Variants in DECR1 observed in about 807,000 individuals in gnomAD.
The protein encoded by DECR1 is 2,4-dienoyl-CoA reductase [(3E)-enoyl-CoA-producing], mitochondrial.
A neutral mutation model predicts 38.8 loss-of-function variants in DECR1; 44 were observed. The observed-to-expected ratio is 1.13, with a 90% confidence interval of 0.89 to 1.46. The LOEUF (loss-of-function observed/expected upper bound fraction) is 1.46. Among genes scored for constraint, DECR1 ranks in the 40% most tolerant of loss-of-function variants. The pLI is 0.00. For missense variants in DECR1, 428 were observed against 405.5 expected (o/e 1.06, Z -0.48); for synonymous variants, 148 against 135.2 (o/e 1.09, Z -0.66).
At chr8:90,006,414 A>G (rs903514049) in intron 1 of DECR1, 7 of 668,152 alleles carry the variant, frequency 1.0e-5, no homozygotes, top group African/African-American at 7.1e-5. Context: ...GGCCCAGCAT[A>G]AAGGTTATCA....
chr8:90,033,667 T>C (rs1805889), intron 5 of DECR1, among the ~76,000 whole-genome samples: 76,893 of 151,596 alleles, frequency 0.51, 21,779 homozygotes, highest in African/African-American at 0.77. Context: ...TGCAGTATAT[T>C]ATTCTAAGAG....
chr8:90,006,280 A>G, intron 1 of DECR1: 1 of 704,156 alleles, frequency 1.4e-6, no homozygotes, highest in Non-Finnish European at 2.6e-6. Flanking sequence ...TGGGGGAGGT[A>G]TGTCCAGTTT....
chr8:90,030,003 C>T (rs1813455716), intron 5 of DECR1, among the ~76,000 whole-genome samples: 2 of 152,048 alleles, frequency 1.3e-5, no homozygotes, highest in South Asian at 2.1e-4. Context: ...GGACCATTTT[C>T]GTGAAAGAAA....
At chr8:90,040,823 A>G (rs990209601) in intron 6 of DECR1, among the ~76,000 whole-genome samples, 16 of 152,202 alleles carry the variant, frequency 1.1e-4, no homozygotes, top group African/African-American at 3.6e-4. Context: ...TTATGGCTGC[A>G]CAGTATTCCA....
chr8:90,026,187 T>C (rs575582155), intron 5 of DECR1, among the ~76,000 whole-genome samples: 1 of 152,324 alleles, frequency 6.6e-6, no homozygotes, highest in South Asian at 2.1e-4. Flanking sequence ...AAATTATCTT[T>C]TGTTGTTGTG....
At chr8:90,029,169 A>C (rs1221162487) in intron 5 of DECR1, 1 of 152,154 alleles carries the variant, frequency 6.6e-6, no homozygotes, top group Non-Finnish European at 1.5e-5. Flanking sequence ...TTTTACTGTT[A>C]TTCAGCTTTT....
intron 1 of DECR1, chr8:90,003,271 A>T (rs1812661491): frequency 6.6e-6 from 1 of 152,320 alleles, no homozygotes; most frequent in East Asian, 1.9e-4. Context: ...CCTAATTTGA[A>T]TATTTTTGTT....
chr8:90,053,526 C>T lies in DECR1; in HGVS notation c.*1629C>T, dbSNP rs1194452599. ...ACCTCTCACCAAACACACAAAGACA[C>T]ACTCTTTCCCTCCACTGATTCCACC... is the stretch of plus-strand genomic sequence containing the variant. On this transcript the variant is annotated 3_prime_UTR_variant, in exon 10 of 10. Coordinates refer to ENST00000220764, the MANE Select transcript of DECR1 (RefSeq NM_001359.2). 6.6e-6 allele frequency among the ~76,000 whole-genome samples: 1 copy of T among 152,178 alleles called. No homozygotes were observed. Among genetic ancestry groups the T allele is most frequent in the Non-Finnish European group, 1.5e-5 (1 of 68,024 alleles).
intron 1 of DECR1, chr8:90,016,810 A>G (rs760516040): frequency 5.4e-5 from 17 of 316,096 alleles, no homozygotes; most frequent in Non-Finnish European, 9.0e-5. Flanking sequence ...AATCCTCACA[A>G]TGCCATATGA....
chr8:90,017,307 C>G lies in DECR1; in HGVS notation c.253C>G (p.Gln85Glu). The change falls in exon 2 of 10, where the codon CAG (glutamine) becomes GAG (glutamate). Residue 85 changes from glutamine to glutamate, a missense_variant. Gln to Glu is a conservative substitution (Grantham distance 29). Coordinates refer to ENST00000220764, the MANE Select transcript of DECR1 (RefSeq NM_001359.2). ...AACTCTTCTGTCCAGCCTAGGTGCT[C>G]AGTGCGTGATAGCCAGCCGGTAAGT... ...MTTLLSSLGA[Q>E]CVIASRKMDV... The G allele has an allele frequency of 6.2e-7, 1 of 1,614,128 alleles. No homozygotes were observed. Among genetic ancestry groups the G allele is most frequent in the African/African-American group, 1.3e-5 (1 of 75,044 alleles).
chr8:90,013,473 T>A (rs146301691), intron 1 of DECR1, among the ~76,000 whole-genome samples: 19 of 134,794 alleles, frequency 1.4e-4, no homozygotes, highest in Admixed American at 2.5e-4. Context: ...AGTCACATAC[T>A]CAGAGGCCTA....
At chr8:90,051,142 G>A (rs1182868393) in intron 8 of DECR1, among the ~76,000 whole-genome samples, 1 of 151,110 alleles carries the variant, frequency 6.6e-6, no homozygotes, top group African/African-American at 2.4e-5. Context: ...CCTGCACATT[G>A]TGCACATTCA....
chr8:90,028,051 C>G (rs1813398939), intron 5 of DECR1, among the ~76,000 whole-genome samples: 1 of 152,048 alleles, frequency 6.6e-6, no homozygotes, highest in Non-Finnish European at 1.5e-5. Context: ...TCTGTGCTTG[C>G]TTAGTTTAGT....
At chr8:90,037,729 A>G (rs1172112695) in intron 6 of DECR1, among the ~76,000 whole-genome samples, 3 of 152,104 alleles carry the variant, frequency 2.0e-5, no homozygotes, top group Non-Finnish European at 4.4e-5. Context: ...GATTACAGGC[A>G]TGAGCCACTA....
At chr8:90,025,516 T>C (rs978081787) in intron 5 of DECR1, among the ~76,000 whole-genome samples, 15 of 152,192 alleles carry the variant, frequency 9.9e-5, no homozygotes, top group African/African-American at 1.9e-4. Context: ...TGATTTGGCT[T>C]TCTGTTTGTC....
At position 90,001,498 on chromosome 8, in the gene DECR1, G is replaced by A. The variant is rs759478280; in HGVS notation, c.6G>A (p.Lys2=). 16 of 1,614,066 alleles carry A rather than the reference G, an allele frequency of 9.9e-6. No homozygotes were observed. The highest frequency in any genetic ancestry group is 1.4e-5 in the Non-Finnish European group (16 of 1,179,916). Residue 2 remains lysine (K), a synonymous_variant, in exon 1 of 10, where the codon AAG becomes AAA. Transcript: ENST00000220764. Reference sequence around the variant, plus strand: ...CCGAGTTCTGGAGACTCAACATGAAGCTACCGGCCAGGGTTTTCTTTACTC... The same window carrying A: ...CCGAGTTCTGGAGACTCAACATGAAACTACCGGCCAGGGTTTTCTTTACTC... The part of the protein sequence containing the change: M[K]LPARVFFTLG...
chr8:90,024,188 A>G (rs1227896998), intron 5 of DECR1, among the ~76,000 whole-genome samples: 5 of 152,114 alleles, frequency 3.3e-5, no homozygotes, highest in Non-Finnish European at 5.9e-5. Context: ...ACATGTGCAT[A>G]TGTCTTTATA....
intron 5 of DECR1, among the ~76,000 whole-genome samples, chr8:90,031,218 A>G (rs1179988258): frequency 2.0e-5 from 3 of 152,080 alleles, no homozygotes; most frequent in Non-Finnish European, 4.4e-5. Flanking sequence ...CCTTCCTCCT[A>G]GGATTGCTGT....
intron 8 of DECR1, among the ~76,000 whole-genome samples, chr8:90,049,912 T>A (rs1814026329): frequency 6.6e-6 from 1 of 151,936 alleles, no homozygotes; most frequent in African/African-American, 2.4e-5. Flanking sequence ...GCCTGACAAA[T>A]ACAAGAAATG....
Sources: gnomAD v4.1 joint callset for allele counts (sites outside exome capture counted in the v4.1 genomes callset) on GRCh38, gnomAD v4.1.1 for gene constraint, MANE v1.5 for transcripts, NCBI Gene and HGNC (gene_info 2026-07-23, HGNC 2026-07-21) for gene names.